The following RSRP1 variants were observed in gnomAD, a reference collection of about 807,000 sequenced individuals.
The protein encoded by RSRP1 is arginine/serine-rich protein 1.
Under a neutral mutation model 33.0 loss-of-function variants are expected in RSRP1, and 37 were observed. The ratio of observed to expected loss-of-function variants is 1.12; its 90% CI spans 0.86 to 1.48. The LOEUF (loss-of-function observed/expected upper bound fraction) is 1.48. RSRP1 is among the 40% of genes most tolerant of loss of function. The pLI is 0.00. For missense variants in RSRP1, 402 were observed against 385.3 expected, an observed-to-expected ratio of 1.04 and a Z score of -0.36; for synonymous variants, 167 against 158.7, an observed-to-expected ratio of 1.05 and a Z score of -0.40.
At chr1:25,273,678 G>A (rs2124581454) in intron 1 of RSRP1, among the ~76,000 whole-genome samples, 1 of 118,644 alleles carries the variant, frequency 8.4e-6, no homozygotes, top group African/African-American at 2.8e-5. Flanking sequence ...TAAGACAGAT[G>A]TCCACAATGG....
rs1335480155 is a variant in RSRP1 at position 25,281,009 on chromosome 1, C to T, written c.-66-33980G>A. On this transcript the variant is annotated intron_variant, in intron 1 of 1. Coordinates refer to the RSRP1 transcript ENST00000561867. ...TTCCACTAACTTCTTTGGAATATTC[C>T]AGAGCTGTAAAAGCCTTAGAGAGTA... 6.1e-5 allele frequency among the ~76,000 whole-genome samples: 8 copies of T among 131,780 alleles called. 1 individual carries two copies. The highest frequency in any genetic ancestry group is 2.1e-4 in the African/African-American group (8 of 38,300). 86.5% of individuals were successfully genotyped at this position (131,780 alleles called of 152,430 possible).
At chr1:25,243,496 C>CA in intron 4 of RSRP1, 54 bp downstream of exon 4, 1 of 1,592,378 alleles carries the variant, frequency 6.3e-7, no homozygotes, top group Non-Finnish European at 8.6e-7. Context: ...CACAAAGATG[C>CA]AAAAATACAT....
intron 1 of RSRP1, among the ~76,000 whole-genome samples, chr1:25,262,569 G>A (rs563688038): frequency 2.2e-4 from 33 of 152,308 alleles, no homozygotes; most frequent in East Asian, 9.6e-4. Context: ...AAGTCCCACA[G>A]CAGATTGTCT....
Position 25,272,451 on chromosome 1 carries a change from G to A in RSRP1, c.-66-25422C>T, listed in dbSNP as rs565750951. ...CAGCCTGAGATAAGGCCTTTGGCGG[G>A]TGTCTCCCCTATCGCTCCCTCAAGC... is the stretch of plus-strand genomic sequence containing the variant. On this transcript the variant is annotated intron_variant, in intron 1 of 1. Coordinates refer to the RSRP1 transcript ENST00000561867. The A allele has an allele frequency of 9.7e-5, 133 of 1,375,714 alleles. 20 individuals carry two copies. Among genetic ancestry groups the A allele is most frequent in the African/African-American group, 6.1e-4 (43 of 70,236 alleles). 85.2% of individuals were successfully genotyped at this position (1,375,714 alleles called of 1,614,324 possible).
At position 25,329,730 on chromosome 1, in the gene RSRP1, T is replaced by C. The variant is rs143570282; in HGVS notation, c.-67+8248A>G. 8.9e-3 allele frequency: 1,165 copies of C among 130,776 alleles called. 203 individuals are homozygous for C. The South Asian group carries it at 0.14, about 16-fold the overall frequency. The allele number at this position is 130,776 out of a possible 1,614,324, so 8.1% of individuals were successfully genotyped here. A position where few individuals can be genotyped will look rare whatever the true frequency, so the allele number is the denominator to read the frequency against. On this transcript the variant is annotated intron_variant, in intron 1 of 1. Coordinates refer to the RSRP1 transcript ENST00000561867. The stretch of plus-strand genomic sequence containing the variant: ...GTGCAGTGCCGCAATCTCGGCTCAC[T>C]GCAACCTCCGCCTCCCAGGTTCAAG...
At position 25,246,211 on chromosome 1, in the gene RSRP1, C is replaced by G. The variant is rs1028782686; in HGVS notation, c.520+233G>C. On this transcript the variant is annotated intron_variant, in intron 2 of 4. Coordinates refer to ENST00000243189, the MANE Select transcript of RSRP1 (RefSeq NM_020317.5). Reference sequence around the variant, plus strand: ...GCTCCACCCACTAAGAACAGTCAGCCAATAGGAAAAAAAGTTCCCTACATC... The same window carrying G: ...GCTCCACCCACTAAGAACAGTCAGCGAATAGGAAAAAAAGTTCCCTACATC... Among the ~76,000 whole-genome samples the G allele has an allele frequency of 5.9e-5, 9 of 152,156 alleles. 1 individual carries two copies. The highest frequency in any genetic ancestry group is 2.2e-4 in the African/African-American group (9 of 41,514).
At chr1:25,260,799 CT>C (rs996988638) in intron 1 of RSRP1, among the ~76,000 whole-genome samples, 1,892 of 140,118 alleles carry the variant, frequency 0.014, 26 homozygotes, top group African/African-American at 0.042. Flanking sequence ...TGTCATCTTC[CT>C]TTTTTTTTTT....
At position 25,310,833 on chromosome 1, in the gene RSRP1, CGTGG is replaced by C. The variant is rs1557553982; in HGVS notation, c.-67+27141_-67+27144del. 1.4e-4 allele frequency among the ~76,000 whole-genome samples: 18 copies of C among 131,652 alleles called. 1 individual carries two copies. The highest frequency in any genetic ancestry group is 7.9e-4 in the East Asian group (4 of 5,084). 86.4% of individuals were successfully genotyped at this position (131,652 alleles called of 152,430 possible). A position where few individuals can be genotyped will look rare whatever the true frequency, so the allele number is the denominator to read the frequency against. On this transcript the variant is annotated intron_variant, in intron 1 of 1. Coordinates refer to the RSRP1 transcript ENST00000561867. ...CCAAAAATACAAAAAATTAGCTGGG[CGTGG>C]TGGCGCACACCTGTAATCTCAGCTA...
chr1:25,284,470 T>C (rs372758437), intron 1 of RSRP1: 18,279 of 1,092,888 alleles, frequency 0.017, 183 homozygotes, highest in Middle Eastern at 0.027. Flanking sequence ...TAAACGATCT[T>C]GCATGCCCCT....
intron 1 of RSRP1, chr1:25,329,676 A>T (rs1417788288): frequency 7.8e-6 from 1 of 128,980 alleles, no homozygotes; most frequent in East Asian, 2.0e-4. Flanking sequence ...TTTTTTTGAA[A>T]CGGAGTCTCA....
At chr1:25,337,192 C>T (rs1194245979) in intron 1 of RSRP1, 3 of 151,580 alleles carry the variant, frequency 2.0e-5, no homozygotes, top group Admixed American at 2.0e-4. Flanking sequence ...CACGACCTTC[C>T]CCCGAGAGTG....
At chr1:25,285,260 G>A (rs1312186798) in intron 1 of RSRP1, among the ~76,000 whole-genome samples, 8 of 133,158 alleles carry the variant, frequency 6.0e-5, no homozygotes. Flanking sequence ...TCAGCCGCCT[G>A]AGTAGCTGGG....
intron 1 of RSRP1, among the ~76,000 whole-genome samples, chr1:25,285,757 T>C (rs1641929174): frequency 7.4e-6 from 1 of 135,198 alleles, no homozygotes; most frequent in Non-Finnish European, 1.8e-5. Flanking sequence ...GGAAGTAGGC[T>C]AAATTTTTTC....
chr1:25,314,848 T>C (rs1253837834), intron 1 of RSRP1, among the ~76,000 whole-genome samples: 1 of 131,680 alleles, frequency 7.6e-6, no homozygotes, highest in Admixed American at 7.4e-5. Flanking sequence ...AGAGAGGTTC[T>C]TAATTTTAAT....
intron 1 of RSRP1, chr1:25,304,777 T>C (rs575828201): frequency 7.6e-6 from 1 of 131,572 alleles, no homozygotes; most frequent in East Asian, 2.0e-4. Flanking sequence ...ATTTTCATCT[T>C]TGCAAGGGGA....
chr1:25,311,947 C>G (rs980223813), intron 1 of RSRP1, among the ~76,000 whole-genome samples: 1 of 129,846 alleles, frequency 7.7e-6, no homozygotes, highest in Non-Finnish European at 1.8e-5. Context: ...AGAGCAGGGT[C>G]TAGTGGAGCT....
chr1:25,270,231 T>C (rs1191360501), intron 1 of RSRP1, among the ~76,000 whole-genome samples: 2 of 131,106 alleles, frequency 1.5e-5, no homozygotes, highest in Non-Finnish European at 3.6e-5. Flanking sequence ...CCTTAATTGC[T>C]GTTGGGGTAG....
In RSRP1 at chr1:25,246,918, T is replaced by A. The variant is rs1553133081; in HGVS notation, c.46A>T (p.Lys16Ter). ...NDMWPGSPQE[K>*]DSPSTSRSGG... ...GACCGCGAGGTCGAGGGCGAATCCT[T>A]CTCCTGCGGCGAGCCCGGCCACATG... The change falls in exon 2 of 5, where the codon AAG becomes TAG. Residue 16 changes from lysine (K) to a stop codon, truncating the protein, a stop_gained. Transcript: ENST00000243189. LOFTEE classifies it high-confidence loss of function. 6.3e-7 allele frequency: 1 copy of A among 1,595,546 alleles called. No individual in the cohort carries two copies. The highest frequency in any genetic ancestry group is 8.6e-7 in the Non-Finnish European group (1 of 1,167,810).
intron 1 of RSRP1, among the ~76,000 whole-genome samples, chr1:25,283,928 T>C: frequency 7.4e-6 from 1 of 134,484 alleles, no homozygotes; most frequent in Non-Finnish European, 1.8e-5. Context: ...TCCACTCACC[T>C]GCCACAGCAG....
Sources: gnomAD v4.1 joint callset for allele counts (sites outside exome capture counted in the v4.1 genomes callset) on GRCh38, gnomAD v4.1.1 for gene constraint, MANE v1.5 for transcripts, NCBI Gene and HGNC (gene_info 2026-07-23, HGNC 2026-07-21) for gene names.